Variants in NBEA observed in about 807,000 individuals in gnomAD.
NBEA encodes the protein neurobeachin.
A neutral mutation model predicts 343.4 loss-of-function variants in NBEA; 44 were observed. The ratio of observed to expected loss-of-function variants is 0.13; its 90% CI spans 0.10 to 0.16. NBEA has a LOEUF of 0.16. Among genes scored for constraint, NBEA ranks in the 10% least tolerant of loss-of-function variants. NBEA has a pLI of 1.00. For synonymous variants in NBEA, 1,175 were observed against 1,238.7 expected, an observed-to-expected ratio of 0.95 and a Z score of 1.08; for missense variants, 2,555 against 3,631.3, an observed-to-expected ratio of 0.70 and a Z score of 7.62.
intron 1 of NBEA, among the ~76,000 whole-genome samples, chr13:35,035,300 A>T (rs1293348543): frequency 6.6e-6 from 1 of 151,878 alleles, no homozygotes; most frequent in Non-Finnish European, 1.5e-5. Flanking sequence ...CATATTGTTT[A>T]ATTTCCATGT....
intron 38 of NBEA, among the ~76,000 whole-genome samples, chr13:35,402,258 C>A (rs1364915120): frequency 1.3e-5 from 2 of 151,510 alleles, no homozygotes; most frequent in Non-Finnish European, 2.9e-5. Context: ...ATATTTTATA[C>A]CTGAATAGTA....
chr13:35,233,339 CTGT>C (rs2075073598), intron 34 of NBEA, among the ~76,000 whole-genome samples: 2 of 152,064 alleles, frequency 1.3e-5, no homozygotes, highest in African/African-American at 4.8e-5. Context: ...TTCCTGTTTA[CTGT>C]AGAAGAAAGA....
chr13:35,415,664 G>A (rs1192440795), intron 38 of NBEA, among the ~76,000 whole-genome samples: 1 of 152,112 alleles, frequency 6.6e-6, no homozygotes, highest in Non-Finnish European at 1.5e-5. Flanking sequence ...AAGTCAGGTA[G>A]TGTGATGCCT....
chr13:35,451,803 G>C (rs1222689308), intron 39 of NBEA, among the ~76,000 whole-genome samples: 1 of 152,128 alleles, frequency 6.6e-6, no homozygotes, highest in Admixed American at 6.5e-5. Context: ...CTTAGACATG[G>C]TAGAGTTCGT....
chr13:35,208,285 T>C (rs2073532463), intron 31 of NBEA, among the ~76,000 whole-genome samples: 1 of 152,164 alleles, frequency 6.6e-6, no homozygotes, highest in South Asian at 2.1e-4. Context: ...TTTTATGTTT[T>C]TACATATTTA....
chr13:35,475,465 G>C, intron 41 of NBEA: 1 of 1,612,402 alleles, frequency 6.2e-7, no homozygotes, highest in Non-Finnish European at 8.5e-7. Flanking sequence ...GTCGCTCTCC[G>C]CCGAGCTCTG....
chr13:35,013,279 C>T (rs1391997979), intron 1 of NBEA, among the ~76,000 whole-genome samples: 1 of 151,954 alleles, frequency 6.6e-6, no homozygotes, highest in Non-Finnish European at 1.5e-5. Context: ...ATATATCTAG[C>T]CCCCACCCCT....
At chr13:35,610,056 A>C (rs1369728243) in intron 48 of NBEA, among the ~76,000 whole-genome samples, 2 of 152,226 alleles carry the variant, frequency 1.3e-5, no homozygotes, top group Non-Finnish European at 2.9e-5. Flanking sequence ...CCACTGAAAA[A>C]TAATTTGTTT....
intron 48 of NBEA, among the ~76,000 whole-genome samples, chr13:35,612,323 G>A (rs2082557390): frequency 6.6e-6 from 1 of 151,824 alleles, no homozygotes; most frequent in Non-Finnish European, 1.5e-5. Flanking sequence ...TAGTAGAGAT[G>A]GGGTTTCACC....
At chr13:35,635,284 T>A (rs2083648267) in intron 49 of NBEA, among the ~76,000 whole-genome samples, 1 of 152,176 alleles carries the variant, frequency 6.6e-6, no homozygotes, top group African/African-American at 2.4e-5. Context: ...CTGCCCGATC[T>A]GCGTGAATGA....
chr13:35,109,164 C>A, intron 11 of NBEA, 126 bp from the exon 12 acceptor site: 1 of 828,624 alleles, frequency 1.2e-6, no homozygotes, highest in Non-Finnish European at 1.7e-6. Context: ...GCAAAGAAAA[C>A]AAATGTTTAT....
intron 33 of NBEA, among the ~76,000 whole-genome samples, chr13:35,227,564 G>T (rs991526110): frequency 3.3e-5 from 5 of 151,696 alleles, no homozygotes; most frequent in South Asian, 2.1e-4. Flanking sequence ...AAATCTTTTA[G>T]GTACAATACT....
At chr13:35,085,130 T>G (rs1236784804) in intron 10 of NBEA, among the ~76,000 whole-genome samples, 5 of 152,112 alleles carry the variant, frequency 3.3e-5, no homozygotes, top group Admixed American at 6.5e-5. Context: ...CCAGATGGAT[T>G]CACAGCCGAA....
intron 17 of NBEA, among the ~76,000 whole-genome samples, chr13:35,132,133 G>A (rs577040657): frequency 9.2e-5 from 14 of 152,074 alleles, no homozygotes; most frequent in Non-Finnish European, 1.8e-4. Context: ...GCCAGACTTC[G>A]CATGAATGTT....
rs146516946 is a variant in NBEA at position 35,230,193 on chromosome 13, T to G, written c.5649-2299T>G. 4.4e-3 allele frequency among the ~76,000 whole-genome samples: 671 copies of G among 152,218 alleles called. 4 individuals are homozygous for G. Among genetic ancestry groups the G allele is most frequent in the African/African-American group, 0.015 (638 of 41,560 alleles). On this transcript the variant is annotated intron_variant, in intron 33 of 58. Coordinates refer to ENST00000379939, the MANE Select transcript of NBEA (RefSeq NM_001385012.1). ...ATCTATTACCCTTTAGTCAAGATAA[T>G]CGATAATAATGTATATTTATACATA...
chr13:35,454,903 C>T, intron 40 of NBEA, among the ~76,000 whole-genome samples: 1 of 151,810 alleles, frequency 6.6e-6, no homozygotes, highest in South Asian at 2.1e-4. Context: ...AATAAAAAAA[C>T]AGGAAATCCT....
chr13:35,232,613 A>G lies in NBEA; in HGVS notation c.5770A>G (p.Ile1924Val). The G allele has an allele frequency of 6.6e-7, 1 of 1,503,762 alleles. No individual in the cohort carries two copies. The highest frequency in any genetic ancestry group is 1.3e-5 in the South Asian group (1 of 76,712). 93.2% of individuals were successfully genotyped at this position (1,503,762 alleles called of 1,614,324 possible). The part of the protein sequence containing the change: ...LLGSHGQELL[I>V]EGLVCMKSST... The stretch of plus-strand genomic sequence containing the variant: ...TGGCAGTCATGGACAAGAGCTATTG[A>G]TAGAAGGTATGATTTCTCTATTATA... Residue 1924 changes from isoleucine (I) to valine (V), a missense_variant, in exon 34 of 59, where the codon ATA becomes GTA. This residue lies in a region of NBEA where 84 missense variants were observed against 196.4 expected (regional missense o/e 0.43). Transcript: ENST00000379939.
At chr13:35,375,222 A>G (rs894444409) in intron 38 of NBEA, among the ~76,000 whole-genome samples, 11 of 152,132 alleles carry the variant, frequency 7.2e-5, no homozygotes, top group African/African-American at 2.7e-4. Flanking sequence ...TTGCTCAATT[A>G]AAATCAAGAT....
intron 4 of NBEA, 138 bp downstream of exon 4, chr13:35,045,539 A>G (rs2062817795): frequency 1.6e-6 from 1 of 636,330 alleles, no homozygotes; most frequent in Non-Finnish European, 2.6e-6. Flanking sequence ...AACCACTACT[A>G]TATAATGATT....
Sources: allele counts gnomAD v4.1 joint callset (sites outside exome capture counted in the v4.1 genomes callset), GRCh38; gene constraint gnomAD v4.1.1; regional missense constraint gnomAD v4.1.1; transcripts MANE v1.5; gene names NCBI Gene and HGNC (gene_info 2026-07-23, HGNC 2026-07-21).